FERRY3: variants seen among roughly 807,000 people sequenced by gnomAD.
The protein encoded by FERRY3 is FERRY endosomal RAB5 effector complex subunit 3.
chr12:4,513,320 G>T, the FERRY3 span, among the ~76,000 whole-genome samples: 1 of 151,916 alleles, frequency 6.6e-6, no homozygotes, highest in African/African-American at 2.4e-5. Flanking sequence ...TACTGCCCAA[G>T]GTAATTTACA....
At chr12:4,515,757 T>G in the FERRY3 span, among the ~76,000 whole-genome samples, 1 of 152,132 alleles carries the variant, frequency 6.6e-6, no homozygotes, top group South Asian at 2.1e-4. Context: ...TTTAACAATA[T>G]TCTAGTGTAT....
the FERRY3 span, among the ~76,000 whole-genome samples, chr12:4,520,804 A>G: frequency 6.6e-6 from 1 of 152,208 alleles, no homozygotes; most frequent in African/African-American, 2.4e-5. Flanking sequence ...AAATAAAGCC[A>G]TAAAGTCTAC....
the FERRY3 span, among the ~76,000 whole-genome samples, chr12:4,501,173 C>CTGAG: frequency 6.6e-6 from 1 of 152,198 alleles, no homozygotes; most frequent in Non-Finnish European, 1.5e-5. Flanking sequence ...CAGCCCACAT[C>CTGAG]TGAGTATTCC....
chr12:4,522,167 A>G, the FERRY3 span, among the ~76,000 whole-genome samples: 1 of 152,306 alleles, frequency 6.6e-6, no homozygotes, highest in East Asian at 1.9e-4. Context: ...GTCAGGCGGT[A>G]AATCTTAGTA....
the FERRY3 span, chr12:4,488,760 T>C: frequency 6.6e-6 from 1 of 152,202 alleles, no homozygotes; most frequent in East Asian, 1.9e-4. The surrounding 1 kb of genome is among the most constrained non-coding windows in gnomAD (Gnocchi z 4.9). Flanking sequence ...AATATCCACA[T>C]AACTTGGAAT....
At chr12:4,517,194 G>A in the FERRY3 span, 3 of 1,530,950 alleles carry the variant, frequency 2.0e-6, no homozygotes, top group Non-Finnish European at 8.8e-7. Context: ...CAAAATCTAA[G>A]GGACCCAAAA....
chr12:4,496,988 A>C, the FERRY3 span, among the ~76,000 whole-genome samples: 1 of 152,332 alleles, frequency 6.6e-6, no homozygotes, highest in East Asian at 1.9e-4. Flanking sequence ...ATATCTACCA[A>C]AGCTAAACAT....
At chr12:4,497,016 T>C in the FERRY3 span, among the ~76,000 whole-genome samples, 1 of 152,190 alleles carries the variant, frequency 6.6e-6, no homozygotes, top group Admixed American at 6.5e-5. Context: ...CCCTGAGACC[T>C]AACAATTCTA....
chr12:4,531,643 C>T, the FERRY3 span, among the ~76,000 whole-genome samples: 3 of 152,210 alleles, frequency 2.0e-5, no homozygotes, highest in African/African-American at 7.2e-5. Context: ...GATTCAATGT[C>T]CAGGCCATTA....
the FERRY3 span, chr12:4,491,203 G>C: frequency 1.9e-6 from 3 of 1,613,074 alleles, no homozygotes; most frequent in South Asian, 3.3e-5. Flanking sequence ...CACAAGTTCC[G>C]CTCTCCTTAA....
At chr12:4,523,623 G>A in the FERRY3 span, among the ~76,000 whole-genome samples, 22 of 152,234 alleles carry the variant, frequency 1.4e-4, no homozygotes, top group African/African-American at 4.3e-4. Flanking sequence ...GGAATACTAC[G>A]CAGCCATAAA....
the FERRY3 span, chr12:4,500,417 G>T: frequency 1.6e-6 from 2 of 1,289,014 alleles, no homozygotes; most frequent in Non-Finnish European, 2.2e-6. Context: ...ATAAGTAAGT[G>T]TAATGGGCAA....
chr12:4,494,323 T>C, the FERRY3 span, among the ~76,000 whole-genome samples: 73 of 152,310 alleles, frequency 4.8e-4, no homozygotes, highest in African/African-American at 1.7e-3. Context: ...TTTGATGAGC[T>C]AAAGTTTTGA....
At chr12:4,520,911 C>T in the FERRY3 span, among the ~76,000 whole-genome samples, 4 of 152,084 alleles carry the variant, frequency 2.6e-5, no homozygotes, top group South Asian at 2.1e-4. Context: ...TAAAGTCTAA[C>T]GCAAAGGGGA....
At chr12:4,533,009 T>C in the FERRY3 span, among the ~76,000 whole-genome samples, 2 of 152,206 alleles carry the variant, frequency 1.3e-5, no homozygotes, top group Non-Finnish European at 2.9e-5. Flanking sequence ...ATCCTATCAT[T>C]CGCTGCTCGG....
chr12:4,495,280 T>C, the FERRY3 span, among the ~76,000 whole-genome samples: 2 of 152,200 alleles, frequency 1.3e-5, no homozygotes, highest in Non-Finnish European at 2.9e-5. Context: ...ATTTGTATCA[T>C]CTTAAAATAT....
chr12:4,489,653 T>G, the FERRY3 span: 1 of 512,970 alleles, frequency 1.9e-6, no homozygotes, highest in Non-Finnish European at 3.5e-6. Flanking sequence ...AGTATATAAA[T>G]TTTTGGAATG....
chr12:4,500,706 G>A, the FERRY3 span, among the ~76,000 whole-genome samples: 11 of 152,114 alleles, frequency 7.2e-5, no homozygotes, highest in African/African-American at 2.7e-4. Context: ...AAGCTGGAGT[G>A]CAGTGGCACC....
the FERRY3 span, among the ~76,000 whole-genome samples, chr12:4,517,820 G>A: frequency 6.6e-6 from 1 of 150,866 alleles, no homozygotes; most frequent in African/African-American, 2.4e-5. Flanking sequence ...GTTTTACCTC[G>A]TAATGAGAAT....
Sources: gnomAD v4.1 joint callset for allele counts (sites outside exome capture counted in the v4.1 genomes callset) on GRCh38, gnomAD v4.1.1 for gene constraint, Gnocchi (gnomAD v3.1) non-coding constraint, MANE v1.5 for transcripts, NCBI Gene and HGNC (gene_info 2026-07-23, HGNC 2026-07-21) for gene names.